The following AGBL1 variants were observed in gnomAD, a reference collection of about 807,000 sequenced individuals.
AGBL1 encodes cytosolic carboxypeptidase 4.
A neutral mutation model predicts 118.9 loss-of-function variants in AGBL1; 130 were observed. The ratio of observed to expected loss-of-function variants is 1.09; its 90% CI spans 0.95 to 1.26. The LOEUF (loss-of-function observed/expected upper bound fraction) is 1.26. AGBL1 is among the 50% of genes most tolerant of loss of function. The probability of loss-of-function intolerance (pLI) is 0.00; values close to 1 mark genes in which losing one functional copy is unlikely to be tolerated. For missense variants in AGBL1, 1,584 were observed against 1,298.1 expected, an observed-to-expected ratio of 1.22 and a Z score of -3.38; for synonymous variants, 555 against 478.9, an observed-to-expected ratio of 1.16 and a Z score of -2.08.
intron 15 of AGBL1, among the ~76,000 whole-genome samples, chr15:86,278,338 A>G (rs983833019): frequency 2.6e-5 from 4 of 152,194 alleles, no homozygotes; most frequent in Non-Finnish European, 4.4e-5. Flanking sequence ...TAGCATGACC[A>G]AGGCTCCAGA....
At chr15:86,673,691 C>G (rs2085785708) in intron 21 of AGBL1, among the ~76,000 whole-genome samples, 1 of 152,126 alleles carries the variant, frequency 6.6e-6, no homozygotes, top group Non-Finnish European at 1.5e-5. Flanking sequence ...TTATTATTAT[C>G]TGTTTCTTCA....
chr15:86,484,055 C>G (rs1164494103), intron 18 of AGBL1, among the ~76,000 whole-genome samples: 1 of 152,120 alleles, frequency 6.6e-6, no homozygotes, highest in African/African-American at 2.4e-5. Flanking sequence ...TTGTTTACAT[C>G]TCTCCTCTTA....
chr15:86,989,246 T>C (rs144592652), intron 24 of AGBL1, among the ~76,000 whole-genome samples: 39 of 152,206 alleles, frequency 2.6e-4, no homozygotes, highest in Non-Finnish European at 4.4e-4. Flanking sequence ...AGTTATCATC[T>C]TACCTTGGCT....
chr15:86,584,365 T>G (rs28863571), intron 21 of AGBL1, among the ~76,000 whole-genome samples: 5,631 of 152,236 alleles, frequency 0.037, 351 homozygotes, highest in African/African-American at 0.13. Context: ...TTTTTGCATA[T>G]GAGGAAAGGT....
At chr15:86,126,410 A>G (rs1205244103) in intron 1 of AGBL1, among the ~76,000 whole-genome samples, 7 of 152,232 alleles carry the variant, frequency 4.6e-5, no homozygotes. Flanking sequence ...TGTCCTTGGC[A>G]GAATTCTAGG....
At chr15:86,407,210 T>A (rs1243310429) in intron 18 of AGBL1, among the ~76,000 whole-genome samples, 1 of 152,206 alleles carries the variant, frequency 6.6e-6, no homozygotes, top group African/African-American at 2.4e-5. Context: ...AAAAGTAAAC[T>A]GTTTAATTTC....
At chr15:86,244,575 C>T (rs4887423) in intron 6 of AGBL1, among the ~76,000 whole-genome samples, 93,294 of 151,966 alleles carry the variant, frequency 0.61, 29,529 homozygotes, top group African/African-American at 0.73. Flanking sequence ...TGAGAGTTTG[C>T]TGGGGATTAA....
intron 22 of AGBL1, among the ~76,000 whole-genome samples, chr15:86,688,885 C>T (rs956105570): frequency 6.6e-6 from 1 of 151,930 alleles, no homozygotes. Flanking sequence ...TCCAGTATCC[C>T]CAGACAACAA....
chr15:86,289,331 C>T (rs1182739589), intron 16 of AGBL1, among the ~76,000 whole-genome samples: 2 of 152,014 alleles, frequency 1.3e-5, no homozygotes, highest in Non-Finnish European at 2.9e-5. Flanking sequence ...ACCATCATTT[C>T]TTTCATTTTT....
chr15:86,735,905 C>T (rs1048747021), intron 22 of AGBL1, among the ~76,000 whole-genome samples: 1 of 152,030 alleles, frequency 6.6e-6, no homozygotes, highest in Non-Finnish European at 1.5e-5. Flanking sequence ...TGAGATACGA[C>T]TTTTATGCTC....
chr15:86,190,825 A>G (rs2077707685), intron 5 of AGBL1, among the ~76,000 whole-genome samples: 1 of 152,254 alleles, frequency 6.6e-6, no homozygotes, highest in Non-Finnish European at 1.5e-5. Context: ...GTAACAATGT[A>G]GGGGCAAAAC....
In AGBL1 at chr15:86,910,012, A is replaced by G. The variant is rs1312721352; in HGVS notation, c.*2718A>G. On this transcript the variant is annotated 3_prime_UTR_variant, in exon 23 of 23. Coordinates refer to ENST00000614907, the MANE Select transcript of AGBL1 (RefSeq NM_001386094.1). ...CTAAGCTCTACGGATGCAGATAAGA[A>G]AGACCTATTTTGTGCCCTCAGTAAC... The G allele has an allele frequency of 6.6e-6, 1 of 152,254 alleles. No individual in the cohort carries two copies. The highest frequency in any genetic ancestry group is 1.5e-5 in the Non-Finnish European group (1 of 68,054). 9.4% of individuals were successfully genotyped at this position (152,254 alleles called of 1,614,324 possible). A position where few individuals can be genotyped will look rare whatever the true frequency, so the allele number is the denominator to read the frequency against.
intron 23 of AGBL1, among the ~76,000 whole-genome samples, chr15:86,979,801 C>T (rs2081211689): frequency 6.6e-6 from 1 of 152,064 alleles, no homozygotes; most frequent in African/African-American, 2.4e-5. Flanking sequence ...CTGCGCCCGG[C>T]CAGAGGCACT....
intron 24 of AGBL1, among the ~76,000 whole-genome samples, chr15:87,014,202 A>ACAT (rs1053519328): frequency 7.9e-5 from 12 of 152,148 alleles, no homozygotes; most frequent in African/African-American, 2.4e-4. Context: ...TGACCACCCA[A>ACAT]CATGATAGTT....
intron 22 of AGBL1, among the ~76,000 whole-genome samples, chr15:86,734,931 C>T (rs917750087): frequency 6.6e-6 from 1 of 152,166 alleles, no homozygotes. Flanking sequence ...AACCATAGTT[C>T]CCTCCCACAA....
intron 22 of AGBL1, among the ~76,000 whole-genome samples, chr15:86,894,574 A>G (rs1459898168): frequency 2.0e-5 from 3 of 152,120 alleles, no homozygotes. Flanking sequence ...GAGGCTGTTT[A>G]TGAGAATGGG....
At chr15:86,547,098 C>T (rs1327893901) in intron 20 of AGBL1, among the ~76,000 whole-genome samples, 1 of 152,144 alleles carries the variant, frequency 6.6e-6, no homozygotes, top group Admixed American at 6.6e-5. Flanking sequence ...AATACAACCA[C>T]CCCAAGGCTT....
chr15:86,710,139 C>T (rs1258061776), intron 22 of AGBL1, among the ~76,000 whole-genome samples: 2 of 150,954 alleles, frequency 1.3e-5, no homozygotes, highest in African/African-American at 4.9e-5. Flanking sequence ...TTGTCGCACT[C>T]ATCATCCCTT....
intron 24 of AGBL1, among the ~76,000 whole-genome samples, chr15:87,006,483 C>G (rs1376976466): frequency 2.0e-5 from 3 of 152,192 alleles, no homozygotes; most frequent in Admixed American, 6.5e-5. Flanking sequence ...GCATGGTACC[C>G]TCCGAGCCAG....
Sources: gnomAD v4.1 joint callset for allele counts (sites outside exome capture counted in the v4.1 genomes callset) on GRCh38, gnomAD v4.1.1 for gene constraint, MANE v1.5 for transcripts, NCBI Gene and HGNC (gene_info 2026-07-23, HGNC 2026-07-21) for gene names.